SMYD2: variants seen among roughly 807,000 people sequenced by gnomAD.
SMYD2 encodes the protein N-lysine methyltransferase SMYD2.
In SMYD2, 53 loss-of-function variants were observed where a neutral mutation model predicts 59.1. That is an observed-to-expected ratio of 0.90 (90% CI 0.72 to 1.13). SMYD2 has a LOEUF of 1.13. Among genes scored for constraint, SMYD2 ranks in the 50% most tolerant of loss-of-function variants. SMYD2 has a pLI of 0.00. For missense variants in SMYD2, 494 were observed against 544.7 expected, an observed-to-expected ratio of 0.91 and a Z score of 0.93; for synonymous variants, 208 against 198.8, an observed-to-expected ratio of 1.05 and a Z score of -0.39.
chr1:214,320,642 G>GTCAT (rs536934782), intron 5 of SMYD2, among the ~76,000 whole-genome samples: 124 of 152,188 alleles, frequency 8.1e-4, no homozygotes, highest in African/African-American at 2.8e-3. Flanking sequence ...AAAAAAGTGA[G>GTCAT]TCATTCATCA....
At position 214,324,636 on chromosome 1, in the gene SMYD2, T is replaced by G. The variant is rs112395583; in HGVS notation, c.535-5T>G. The G allele has an allele frequency of 1.2e-6, 2 of 1,605,434 alleles. No homozygotes were observed. The highest frequency in any genetic ancestry group is 1.7e-6 in the Non-Finnish European group (2 of 1,176,888). ...TTTTTCCTTTCTCCCTTTTTCTTGC[T>G]GCAGGTTAACTGTAATGGCTTCACA... On this transcript the variant is annotated splice_region_variant and splice_polypyrimidine_tract_variant and intron_variant, in intron 5 of 11. Transcript: ENST00000366957.
At chr1:214,305,994 C>G (rs191404043) in intron 2 of SMYD2, among the ~76,000 whole-genome samples, 1 of 152,200 alleles carries the variant, frequency 6.6e-6, no homozygotes, top group Admixed American at 6.5e-5. Context: ...CTCTTTACTT[C>G]AGAACCTGTT....
intron 2 of SMYD2, among the ~76,000 whole-genome samples, chr1:214,309,141 T>C (rs994009082): frequency 2.0e-5 from 3 of 152,196 alleles, no homozygotes; most frequent in African/African-American, 7.2e-5. Flanking sequence ...TTTGATACAA[T>C]TTGGTTCTAT....
chr1:214,307,832 C>T (rs139938776), intron 2 of SMYD2, among the ~76,000 whole-genome samples: 2 of 152,308 alleles, frequency 1.3e-5, no homozygotes, highest in African/African-American at 4.8e-5. Context: ...TCACATTAAC[C>T]AATATCCCAA....
Position 214,330,288 on chromosome 1 carries a change from T to G in SMYD2, c.816+10T>G, listed in dbSNP as rs766740277. 4.4e-6 allele frequency: 7 copies of G among 1,586,166 alleles called. No homozygotes were observed. Among genetic ancestry groups the G allele is most frequent in the Non-Finnish European group, 5.2e-6 (6 of 1,158,096 alleles). On this transcript the variant is annotated intron_variant, in intron 8 of 11. Transcript: ENST00000366957. ...TACCACCAAGGACAAGGTAAGGTTGTTCATTGGGCAAGAGCGCTGACTGCA... is the reference window on the plus strand; with the variant it reads ...TACCACCAAGGACAAGGTAAGGTTGGTCATTGGGCAAGAGCGCTGACTGCA...
chr1:214,300,119 A>G (rs1656797865), intron 1 of SMYD2, among the ~76,000 whole-genome samples: 1 of 152,250 alleles, frequency 6.6e-6, no homozygotes, highest in Admixed American at 6.5e-5. Context: ...ACCTGAATCT[A>G]AAATAAAAGT....
At chr1:214,297,731 C>T (rs1184323675) in intron 1 of SMYD2, among the ~76,000 whole-genome samples, 2 of 152,196 alleles carry the variant, frequency 1.3e-5, no homozygotes, top group Non-Finnish European at 2.9e-5. Flanking sequence ...TCCACCCCAC[C>T]ACCTCATCTA....
chr1:214,330,320 T>TGC, intron 8 of SMYD2, 42 bp downstream of exon 8: 2 of 1,305,786 alleles, frequency 1.5e-6, no homozygotes, highest in Non-Finnish European at 2.2e-6. Flanking sequence ...TGCACTCTGA[T>TGC]CTCAGGACCT....
intron 1 of SMYD2, among the ~76,000 whole-genome samples, chr1:214,288,122 A>G (rs1176971067): frequency 6.6e-6 from 1 of 152,216 alleles, no homozygotes; most frequent in Non-Finnish European, 1.5e-5. Context: ...CCACCATCTA[A>G]CACCTTTCCC....
chr1:214,281,450 G>GGCT, intron 1 of SMYD2, 23 bp downstream of exon 1: 1 of 1,385,762 alleles, frequency 7.2e-7, no homozygotes, highest in Non-Finnish European at 9.4e-7. Context: ...CGGCGGCGGC[G>GGCT]GCGGGCGGGA....
rs1553254476 is a variant in SMYD2 at position 214,299,465 on chromosome 1, T to TATATATATATATATATATATA, written c.174-5722_174-5721insATATATATATATATATATATA. 8.2e-4 allele frequency among the ~76,000 whole-genome samples: 59 copies of TATATATATATATATATATATA among 71,544 alleles called. 1 individual carries two copies. The highest frequency in any genetic ancestry group is 3.9e-3 in the Admixed American group (35 of 9,054). 46.9% of individuals were successfully genotyped at this position (71,544 alleles called of 152,430 possible). The stretch of plus-strand genomic sequence containing the variant: ...AACAGTGAACTGGATAAAGAAAACA[T>TATATATATATATATATATATA]TATATATATATATATATACACCATA... On this transcript the variant is annotated intron_variant, in intron 1 of 11. Transcript: ENST00000366957.
intron 1 of SMYD2, among the ~76,000 whole-genome samples, chr1:214,282,899 G>A (rs2102449613): frequency 6.6e-6 from 1 of 152,286 alleles, no homozygotes; most frequent in Middle Eastern, 3.4e-3. Context: ...GATCTTCTGA[G>A]CCTTGCTGTG....
chr1:214,289,196 G>A (rs1040942263), intron 1 of SMYD2, among the ~76,000 whole-genome samples: 1 of 152,146 alleles, frequency 6.6e-6, no homozygotes, highest in South Asian at 2.1e-4. Flanking sequence ...CTCAGAATTG[G>A]TGAGAATTCA....
At chr1:214,327,534 T>C in intron 6 of SMYD2, 88 bp from the exon 7 acceptor site, 1 of 1,047,468 alleles carries the variant, frequency 9.5e-7, no homozygotes, top group Non-Finnish European at 1.5e-6. Context: ...AAGATTCAGT[T>C]CCTCTGACTT....
chr1:214,291,601 C>T (rs992133316), intron 1 of SMYD2, among the ~76,000 whole-genome samples: 2 of 152,176 alleles, frequency 1.3e-5, no homozygotes, highest in South Asian at 2.1e-4. Context: ...TCTTGTTTTA[C>T]GTAAAAACTT....
intron 1 of SMYD2, among the ~76,000 whole-genome samples, chr1:214,285,830 C>T (rs1399537238): frequency 6.6e-6 from 1 of 152,200 alleles, no homozygotes; most frequent in Non-Finnish European, 1.5e-5. Context: ...CTCACCTAGG[C>T]TGTATGGTAT....
rs369283055 is a variant in SMYD2 at position 214,305,224 on chromosome 1, G to T, written c.211G>T (p.Ala71Ser). 1 of 1,614,216 alleles carries T rather than the reference G, an allele frequency of 6.2e-7. No homozygotes were observed. The highest frequency in any genetic ancestry group is 2.2e-5 in the East Asian group (1 of 44,888). Reference protein sequence around the residue: ...GLSKCGRCKQAFYCNVECQKE... With the variant: ...GLSKCGRCKQSFYCNVECQKE... Reference sequence around the variant, plus strand: ...GTCCAAATGTGGAAGATGCAAGCAGGCATTTTACTGCAATGTGGAGTGTCA... The same window carrying T: ...GTCCAAATGTGGAAGATGCAAGCAGTCATTTTACTGCAATGTGGAGTGTCA... The change falls in exon 2 of 12, where the codon GCA (alanine) becomes TCA (serine). Residue 71 changes from alanine (A) to serine (S), a missense_variant. Ala to Ser is a moderately conservative substitution (Grantham distance 99). Transcript: ENST00000366957.
At chr1:214,324,743 A>G in intron 6 of SMYD2, 35 bp downstream of exon 6, 1 of 1,571,780 alleles carries the variant, frequency 6.4e-7, no homozygotes, top group Non-Finnish European at 8.7e-7. Context: ...TTTCCTTTTT[A>G]CTTACTTAAC....
chr1:214,336,048 C>T (rs1357619616), intron 11 of SMYD2, among the ~76,000 whole-genome samples: 1 of 152,136 alleles, frequency 6.6e-6, no homozygotes, highest in Non-Finnish European at 1.5e-5. Flanking sequence ...CACCTATTTT[C>T]TGGGTTGAAC....
Sources: gnomAD v4.1 joint callset for allele counts (sites outside exome capture counted in the v4.1 genomes callset) on GRCh38, gnomAD v4.1.1 for gene constraint, MANE v1.5 for transcripts, NCBI Gene and HGNC (gene_info 2026-07-23, HGNC 2026-07-21) for gene names.